The following GRIN2B variants were observed in gnomAD, a reference collection of about 807,000 sequenced individuals.
The protein encoded by GRIN2B is glutamate receptor ionotropic, NMDA 2B.
GRIN2B carries 5 observed loss-of-function variants against 114.5 expected under a neutral mutation model. That is an observed-to-expected ratio of 0.04 (90% CI 0.02 to 0.09). GRIN2B has a LOEUF of 0.09. Ranked by LOEUF, GRIN2B falls within the 10% of genes least tolerant of loss-of-function variation. The pLI is 1.00. For missense variants in GRIN2B, 1,108 were observed against 1,943.5 expected (o/e 0.57, Z 8.08); for synonymous variants, 787 against 745.1 (o/e 1.06, Z -0.92).
chr12:13,889,850 T>C (rs146256755), intron 2 of GRIN2B, among the ~76,000 whole-genome samples: 86 of 152,310 alleles, frequency 5.6e-4, no homozygotes, highest in African/African-American at 1.9e-3. Context: ...ACACGCTCAA[T>C]GGTAACAGAT....
At chr12:13,628,664 G>C (rs991535151) in intron 5 of GRIN2B, among the ~76,000 whole-genome samples, 1 of 152,236 alleles carries the variant, frequency 6.6e-6, no homozygotes, top group African/African-American at 2.4e-5. Context: ...GACATCATCA[G>C]ATGAGACTGC....
intron 4 of GRIN2B, among the ~76,000 whole-genome samples, chr12:13,732,744 C>T (rs889825745): frequency 2.0e-5 from 3 of 152,082 alleles, no homozygotes; most frequent in Non-Finnish European, 4.4e-5. Flanking sequence ...GGTACTTTAC[C>T]GTTTGTTGAA....
At chr12:13,679,179 T>C (rs923714811) in intron 4 of GRIN2B, among the ~76,000 whole-genome samples, 1 of 152,156 alleles carries the variant, frequency 6.6e-6, no homozygotes, top group African/African-American at 2.4e-5. Context: ...ATTCTGCCTT[T>C]AGCTAAAACA....
At chr12:13,626,978 G>A (rs1357397159) in intron 5 of GRIN2B, among the ~76,000 whole-genome samples, 2 of 151,830 alleles carry the variant, frequency 1.3e-5, no homozygotes, top group Admixed American at 6.6e-5. Flanking sequence ...GAAGGGTGGG[G>A]CACCTGACTG....
chr12:13,699,797 C>A (rs1013490868), intron 4 of GRIN2B, among the ~76,000 whole-genome samples: 59 of 151,770 alleles, frequency 3.9e-4, no homozygotes, highest in African/African-American at 1.3e-3. Context: ...CCATATTGGC[C>A]AGGCTGGTCT....
intron 11 of GRIN2B, among the ~76,000 whole-genome samples, chr12:13,570,779 G>A (rs989158297): frequency 6.6e-6 from 1 of 152,198 alleles, no homozygotes; most frequent in East Asian, 1.9e-4. Context: ...ATCAAAGGTA[G>A]AGGAAGAAAT....
chr12:13,867,672 A>G (rs537623382), intron 2 of GRIN2B, among the ~76,000 whole-genome samples: 1 of 152,280 alleles, frequency 6.6e-6, no homozygotes, highest in African/African-American at 2.4e-5. Context: ...TTTTATTCCC[A>G]TTTCTCAAAT....
Position 13,611,997 on chromosome 12 carries a change from T to C in GRIN2B, c.1655-147A>G, listed in dbSNP as rs532979992. 2.3e-5 allele frequency: 18 copies of C among 777,794 alleles called. No individual in the cohort carries two copies. In the South Asian group the frequency reaches 2.5e-4, roughly 11 times the overall value. 48.2% of individuals were successfully genotyped at this position (777,794 alleles called of 1,614,324 possible). Reference sequence around the variant, plus strand: ...TCAGGAAGCCAGGGCCTAGGTTAGATTGTACTGAACCATTTCCTTAAAGGT... The same window carrying C: ...TCAGGAAGCCAGGGCCTAGGTTAGACTGTACTGAACCATTTCCTTAAAGGT... On this transcript the variant is annotated intron_variant, in intron 8 of 13. Coordinates refer to ENST00000609686, the MANE Select transcript of GRIN2B (RefSeq NM_000834.5).
chr12:13,829,842 C>T (rs1225599919), intron 3 of GRIN2B, among the ~76,000 whole-genome samples: 1 of 152,166 alleles, frequency 6.6e-6, no homozygotes, highest in African/African-American at 2.4e-5. Context: ...GGAGTCCCTA[C>T]GACAGCTCTC....
In GRIN2B at chr12:13,558,983, A is replaced by G. The variant is rs1948506864; in HGVS notation, c.*3800T>C. 1 of 152,232 alleles carries G rather than the reference A, an allele frequency of 6.6e-6. No individual in the cohort carries two copies. The highest frequency in any genetic ancestry group is 1.5e-5 in the Non-Finnish European group (1 of 68,046). 9.4% of individuals were successfully genotyped at this position (152,232 alleles called of 1,614,324 possible). A position where few individuals can be genotyped will look rare whatever the true frequency, so the allele number is the denominator to read the frequency against. On this transcript the variant is annotated 3_prime_UTR_variant, in exon 14 of 14. Coordinates refer to ENST00000609686, the MANE Select transcript of GRIN2B (RefSeq NM_000834.5). The stretch of plus-strand genomic sequence containing the variant: ...AGGGAATGATAGAGGGTACAAAGCG[A>G]GAAAGCATGGATTCTGAAGAACATG...
At chr12:13,747,430 A>G (rs1333997796) in intron 4 of GRIN2B, among the ~76,000 whole-genome samples, 4 of 152,216 alleles carry the variant, frequency 2.6e-5, no homozygotes, top group Admixed American at 2.6e-4. Context: ...CCTGAACTAC[A>G]ATAAGCATTG....
In GRIN2B at chr12:13,546,991, A is replaced by T. The variant is rs1948352258; in HGVS notation, c.*15792T>A. ...TGATCTTGAGTTGAAGCACTCAGGA[A>T]CAAGACCTCATTTGCCTGCTTGTCA... On this transcript the variant is annotated 3_prime_UTR_variant, in exon 14 of 14. Coordinates refer to ENST00000609686, the MANE Select transcript of GRIN2B (RefSeq NM_000834.5). 1 of 152,206 alleles carries T rather than the reference A, an allele frequency of 6.6e-6. No individual in the cohort carries two copies. The highest frequency in any genetic ancestry group is 1.5e-5 in the Non-Finnish European group (1 of 68,034). The allele number at this position is 152,206 out of a possible 1,614,324, so 9.4% of individuals were successfully genotyped here.
In GRIN2B at chr12:13,571,804, C is replaced by G. The variant is rs1350370544; in HGVS notation, c.2171G>C (p.Gly724Ala). Residue 724 changes from glycine (G) to alanine (A), a missense_variant and splice_region_variant, in exon 11 of 14, where the codon GGG (glycine) becomes GCG (alanine). Transcript: ENST00000609686. ...VDDALLSLKTGKLDAFIYDAA... is the reference protein window; with the variant it reads ...VDDALLSLKTAKLDAFIYDAA... ...CTCTGAGCTTGGAAGCAGTTCTTAC[C>G]CTGTTTTCAGGGAGAGCAATGCATC... 1 of 1,613,866 alleles carries G rather than the reference C, an allele frequency of 6.2e-7. No homozygotes were observed. The highest frequency in any genetic ancestry group is 8.5e-7 in the Non-Finnish European group (1 of 1,179,882).
intron 4 of GRIN2B, among the ~76,000 whole-genome samples, chr12:13,731,290 C>T (rs1863082787): frequency 6.6e-6 from 1 of 152,146 alleles, no homozygotes; most frequent in Non-Finnish European, 1.5e-5. Flanking sequence ...TCTCAGTTTC[C>T]ACCAATCTAT....
At chr12:13,970,350 C>T (rs560957290) in intron 2 of GRIN2B, among the ~76,000 whole-genome samples, 51 of 152,326 alleles carry the variant, frequency 3.3e-4, no homozygotes, top group African/African-American at 1.2e-3. Flanking sequence ...CAGCCTAAAG[C>T]TGGCACTAAA....
chr12:13,878,395 C>T lies in GRIN2B; in HGVS notation c.-18-12169G>A, dbSNP rs566863231. Among the ~76,000 whole-genome samples, 7 of 152,350 alleles carry T rather than the reference C, an allele frequency of 4.6e-5. No individual in the cohort carries two copies. The South Asian group carries it at 6.2e-4, about 14-fold the overall frequency. On this transcript the variant is annotated intron_variant, in intron 2 of 13. Transcript: ENST00000609686. ...AGAAATTGCTCCCACCTTCCTCCTT[C>T]GGGGCCACGGGTGGTGGTAGCTACA...
chr12:13,611,901 A>G (rs1395976120), intron 8 of GRIN2B, 51 bp from the exon 9 acceptor site: 2 of 1,575,798 alleles, frequency 1.3e-6, no homozygotes, highest in Non-Finnish European at 1.7e-6. Flanking sequence ...GAGCAAAAGA[A>G]TTCGAATTAA....
In GRIN2B at chr12:13,783,013, A is replaced by C. The variant is rs573261377; in HGVS notation, c.412-29098T>G. Among the ~76,000 whole-genome samples, 186 of 152,328 alleles carry C rather than the reference A, an allele frequency of 1.2e-3. 1 individual carries two copies. The highest frequency in any genetic ancestry group is 3.4e-3 in the Middle Eastern group (1 of 294). Reference sequence around the variant, plus strand: ...CTTAAAGTCACTGTCCTTCCCCCCAAAAAACCTAGACTTTCCAAAGACTGG... The same window carrying C: ...CTTAAAGTCACTGTCCTTCCCCCCACAAAACCTAGACTTTCCAAAGACTGG... On this transcript the variant is annotated intron_variant, in intron 3 of 13. Coordinates refer to ENST00000609686, the MANE Select transcript of GRIN2B (RefSeq NM_000834.5).
At chr12:13,760,951 T>A (rs1176193931) in intron 3 of GRIN2B, among the ~76,000 whole-genome samples, 1 of 152,246 alleles carries the variant, frequency 6.6e-6, no homozygotes, top group Non-Finnish European at 1.5e-5. Context: ...CTTTGAATAG[T>A]GTCAGAGTTT....
Sources: allele counts gnomAD v4.1 joint callset (sites outside exome capture counted in the v4.1 genomes callset), GRCh38; gene constraint gnomAD v4.1.1; transcripts MANE v1.5; gene names NCBI Gene and HGNC (gene_info 2026-07-23, HGNC 2026-07-21).